Variants in SMYD3 observed in about 807,000 individuals in gnomAD.
SMYD3 encodes SET and MYND domain containing 3.
In SMYD3, 36 loss-of-function variants were observed where a neutral mutation model predicts 57.7. That is an observed-to-expected ratio of 0.62 (90% confidence interval 0.48 to 0.82). SMYD3 has a LOEUF of 0.82. Ranked by LOEUF, SMYD3 falls within the 40% of genes least tolerant of loss-of-function variation. The pLI, the probability that SMYD3 is intolerant of heterozygous loss-of-function variation, is 0.00. For missense variants in SMYD3, 515 were observed against 538.8 expected (o/e 0.96, Z 0.44); for synonymous variants, 211 against 195.0 (o/e 1.08, Z -0.68).
intron 5 of SMYD3, among the ~76,000 whole-genome samples, chr1:246,245,120 CTTT>C (rs74163421): frequency 4.0e-4 from 49 of 122,946 alleles, no homozygotes; most frequent in East Asian, 3.3e-3. Context: ...CAGCTACTGC[CTTT>C]TTTTTTTTTT....
intron 1 of SMYD3, among the ~76,000 whole-genome samples, chr1:246,359,423 C>T (rs1171014785): frequency 1.3e-5 from 2 of 152,112 alleles, no homozygotes; most frequent in African/African-American, 4.8e-5. Flanking sequence ...GACACTATTC[C>T]AGAGGATAGA....
intron 8 of SMYD3, among the ~76,000 whole-genome samples, chr1:245,884,581 C>T (rs1304182421): frequency 6.6e-6 from 1 of 152,042 alleles, no homozygotes; most frequent in African/African-American, 2.4e-5. Context: ...AGGTATCTAT[C>T]TGGGAGGTAG....
chr1:246,400,068 A>G (rs2066743345), intron 1 of SMYD3, among the ~76,000 whole-genome samples: 1 of 152,208 alleles, frequency 6.6e-6, no homozygotes, highest in African/African-American at 2.4e-5. Context: ...TTTTCCCAAA[A>G]GAAAAAAAAA....
At chr1:246,116,680 G>A (rs2061347400) in intron 5 of SMYD3, among the ~76,000 whole-genome samples, 1 of 152,134 alleles carries the variant, frequency 6.6e-6, no homozygotes, top group African/African-American at 2.4e-5. Flanking sequence ...ATGAGAAATA[G>A]AACAGCTTTC....
intron 5 of SMYD3, among the ~76,000 whole-genome samples, chr1:245,980,540 G>A (rs1386988070): frequency 6.6e-6 from 1 of 152,238 alleles, no homozygotes; most frequent in Non-Finnish European, 1.5e-5. Flanking sequence ...CAAGGTCTGA[G>A]TTTGTCTGTT....
At chr1:246,002,281 T>G (rs1264799941) in intron 5 of SMYD3, among the ~76,000 whole-genome samples, 1 of 125,194 alleles carries the variant, frequency 8.0e-6, no homozygotes, top group Non-Finnish European at 1.8e-5. Flanking sequence ...GCCTCCCGGG[T>G]TCACGCCATT....
intron 10 of SMYD3, among the ~76,000 whole-genome samples, chr1:245,845,195 T>C (rs923765192): frequency 3.3e-5 from 5 of 152,194 alleles, no homozygotes; most frequent in Admixed American, 6.5e-5. Context: ...AAAAAAACAC[T>C]GAGCTTTGAG....
chr1:245,833,858 A>C (rs2049976980), intron 10 of SMYD3, among the ~76,000 whole-genome samples: 1 of 152,224 alleles, frequency 6.6e-6, no homozygotes, highest in Admixed American at 6.5e-5. Context: ...ACCCGCATGA[A>C]TCTTGCACCC....
intron 1 of SMYD3, among the ~76,000 whole-genome samples, chr1:246,481,384 T>C (rs2068097394): frequency 6.6e-6 from 1 of 151,148 alleles, no homozygotes; most frequent in Non-Finnish European, 1.5e-5. Context: ...GTAGATATCA[T>C]CCAACCTGTG....
intron 1 of SMYD3, among the ~76,000 whole-genome samples, chr1:246,363,342 G>C (rs1461068517): frequency 6.6e-6 from 1 of 151,816 alleles, no homozygotes; most frequent in African/African-American, 2.4e-5. Flanking sequence ...TCCGGGAGGT[G>C]AGGGGCGCCT....
intron 5 of SMYD3, among the ~76,000 whole-genome samples, chr1:246,151,074 T>C (rs1031326408): frequency 6.6e-6 from 1 of 151,922 alleles, no homozygotes; most frequent in Non-Finnish European, 1.5e-5. Context: ...GGTGAAACCC[T>C]GTCTCTACTA....
chr1:246,013,117 T>A (rs1268562437), intron 5 of SMYD3, among the ~76,000 whole-genome samples: 3 of 152,202 alleles, frequency 2.0e-5, no homozygotes, highest in African/African-American at 7.2e-5. Flanking sequence ...AGGAGAAAAG[T>A]GCCATGTCAA....
intron 5 of SMYD3, among the ~76,000 whole-genome samples, chr1:246,092,292 C>T (rs1267970155): frequency 1.3e-5 from 2 of 151,948 alleles, no homozygotes; most frequent in Non-Finnish European, 2.9e-5. Context: ...AATTGCTGTT[C>T]GAAATTACCC....
At chr1:246,015,091 C>G (rs555496674) in intron 5 of SMYD3, among the ~76,000 whole-genome samples, 1 of 152,228 alleles carries the variant, frequency 6.6e-6, no homozygotes, top group African/African-American at 2.4e-5. Flanking sequence ...AAATCAGTTC[C>G]TACCCCGTTA....
At chr1:245,800,001 TAACA>T (rs1270819786) in intron 10 of SMYD3, among the ~76,000 whole-genome samples, 2 of 152,234 alleles carry the variant, frequency 1.3e-5, no homozygotes, top group Non-Finnish European at 2.9e-5. Flanking sequence ...CTGCACTTAA[TAACA>T]AACACCCTGC....
intron 5 of SMYD3, among the ~76,000 whole-genome samples, chr1:246,198,126 T>G (rs1224412624): frequency 1.3e-5 from 2 of 152,146 alleles, no homozygotes; most frequent in Non-Finnish European, 2.9e-5. Context: ...GCTTTCCCAG[T>G]AAGAGAAAAG....
chr1:246,443,034 A>C (rs2067494696), intron 1 of SMYD3, among the ~76,000 whole-genome samples: 2 of 152,170 alleles, frequency 1.3e-5, no homozygotes, highest in African/African-American at 4.8e-5. Flanking sequence ...AAATTTAAAA[A>C]TGTATGGTAG....
chr1:246,437,124 C>G (rs1283110029), intron 1 of SMYD3, among the ~76,000 whole-genome samples: 2 of 152,086 alleles, frequency 1.3e-5, no homozygotes, highest in Non-Finnish European at 2.9e-5. Flanking sequence ...GTCTCGAACT[C>G]CTGACCTCGG....
At chr1:246,216,412 C>A (rs2063165468) in intron 5 of SMYD3, among the ~76,000 whole-genome samples, 1 of 152,026 alleles carries the variant, frequency 6.6e-6, no homozygotes. Flanking sequence ...CTTCTAAATG[C>A]ATCAGTACAT....
Sources: allele counts gnomAD v4.1 joint callset (sites outside exome capture counted in the v4.1 genomes callset), GRCh38; gene constraint gnomAD v4.1.1; transcripts MANE v1.5; gene names NCBI Gene and HGNC (gene_info 2026-07-23, HGNC 2026-07-21).